ATP8A1: variants seen among roughly 807,000 people sequenced by gnomAD.
ATP8A1 encodes the protein ATPase phospholipid transporting 8A1, also known as phospholipid-transporting ATPase IA.
Under a neutral mutation model 177.7 loss-of-function variants are expected in ATP8A1, and 90 were observed. The observed-to-expected ratio is 0.51, with a 90% confidence interval of 0.43 to 0.60. The LOEUF (loss-of-function observed/expected upper bound fraction) is 0.60, where lower values mean the gene tolerates loss of function less well. ATP8A1 is among the 20% of genes least tolerant of loss of function. The pLI is 0.00. For synonymous variants in ATP8A1, 493 were observed against 485.9 expected (o/e 1.01, Z -0.19); for missense variants, 1,072 against 1,392.8 (o/e 0.77, Z 3.67).
chr4:42,554,238 C>T (rs1349613794), intron 16 of ATP8A1, among the ~76,000 whole-genome samples: 1 of 152,114 alleles, frequency 6.6e-6, no homozygotes, highest in Non-Finnish European at 1.5e-5. Context: ...TGCTGGCGGT[C>T]TGGACTGGGG....
chr4:42,471,776 T>C, intron 25 of ATP8A1: 1 of 429,698 alleles, frequency 2.3e-6, no homozygotes, highest in South Asian at 2.1e-5. Flanking sequence ...GGTAGCAAGC[T>C]CTTCCTAGGC....
At chr4:42,423,973 G>A (rs957875859) in intron 33 of ATP8A1, among the ~76,000 whole-genome samples, 2 of 152,080 alleles carry the variant, frequency 1.3e-5, no homozygotes, top group African/African-American at 4.8e-5. Flanking sequence ...TCTGGCAAAT[G>A]AAAATTACTT....
intron 15 of ATP8A1, among the ~76,000 whole-genome samples, chr4:42,561,019 GA>G (rs1730763514): frequency 6.6e-6 from 1 of 152,114 alleles, no homozygotes; most frequent in African/African-American, 2.4e-5. Flanking sequence ...GAGCTATTAA[GA>G]TCATTTTTCT....
chr4:42,572,831 TAG>T (rs1205374002), intron 14 of ATP8A1, among the ~76,000 whole-genome samples: 1 of 152,158 alleles, frequency 6.6e-6, no homozygotes, highest in Non-Finnish European at 1.5e-5. Context: ...TATCTGAAAA[TAG>T]ATTTTCTAGG....
At chr4:42,417,735 TGA>T (rs1220644699) in intron 35 of ATP8A1, among the ~76,000 whole-genome samples, 2 of 152,246 alleles carry the variant, frequency 1.3e-5, no homozygotes, top group Non-Finnish European at 2.9e-5. Flanking sequence ...CTATTTAGGT[TGA>T]CTCATTAAAA....
At chr4:42,481,539 C>A (rs780375688) in intron 25 of ATP8A1, among the ~76,000 whole-genome samples, 1 of 152,174 alleles carries the variant, frequency 6.6e-6, no homozygotes, top group Non-Finnish European at 1.5e-5. Flanking sequence ...TGCTTTTATA[C>A]CAATTATACA....
intron 20 of ATP8A1, among the ~76,000 whole-genome samples, chr4:42,542,261 T>C (rs1016139537): frequency 6.6e-6 from 1 of 152,158 alleles, no homozygotes; most frequent in Admixed American, 6.5e-5. Context: ...AATTCTATGA[T>C]TATTAAAAAT....
chr4:42,627,233 C>CT, intron 1 of ATP8A1, 124 bp from the exon 2 acceptor site: 1 of 644,178 alleles, frequency 1.6e-6, no homozygotes, highest in Non-Finnish European at 2.6e-6. Context: ...ACTGTTGTTT[C>CT]TTTTATAATA....
intron 25 of ATP8A1, among the ~76,000 whole-genome samples, chr4:42,467,168 C>G (rs1239712160): frequency 6.6e-6 from 1 of 152,098 alleles, no homozygotes; most frequent in Non-Finnish European, 1.5e-5. Context: ...TCATGGTGAT[C>G]ACAACCAACC....
In ATP8A1 at chr4:42,502,557, C is replaced by T. The variant is rs114821825; in HGVS notation, c.2151+893G>A. Among the ~76,000 whole-genome samples, 1,353 of 152,254 alleles carry T rather than the reference C, an allele frequency of 8.9e-3. 10 individuals carry two copies. Among genetic ancestry groups the T allele is most frequent in the African/African-American group, 0.012 (490 of 41,552 alleles). ...AGAAAGGATACCAGATCAAATGACG[C>T]GTGGCTTGCCCTGCTTTTGCTTCTG... is the stretch of plus-strand genomic sequence containing the variant. On this transcript the variant is annotated intron_variant, in intron 24 of 36. Transcript: ENST00000381668.
intron 4 of ATP8A1, 152 bp from the exon 5 acceptor site, chr4:42,616,230 G>A: frequency 1.5e-6 from 1 of 653,818 alleles, no homozygotes; most frequent in Non-Finnish European, 2.6e-6. Context: ...ATTGATGGAG[G>A]AGTGGTGATG....
At chr4:42,656,400 G>C (rs1741622617) in intron 1 of ATP8A1, among the ~76,000 whole-genome samples, 1 of 152,188 alleles carries the variant, frequency 6.6e-6, no homozygotes. Context: ...CGGATCAAAG[G>C]ATCCTGCAGC....
At chr4:42,487,454 T>C (rs1333024007) in intron 24 of ATP8A1, among the ~76,000 whole-genome samples, 1 of 152,148 alleles carries the variant, frequency 6.6e-6, no homozygotes, top group Non-Finnish European at 1.5e-5. Context: ...GGAAATATAA[T>C]GAGTAATTCC....
intron 5 of ATP8A1, among the ~76,000 whole-genome samples, chr4:42,614,884 T>C (rs1445353505): frequency 6.6e-6 from 1 of 152,176 alleles, no homozygotes; most frequent in Non-Finnish European, 1.5e-5. Flanking sequence ...TCATCCAATG[T>C]CCTCCTAAAA....
chr4:42,601,580 G>A (rs1404767190), intron 5 of ATP8A1, among the ~76,000 whole-genome samples: 2 of 150,640 alleles, frequency 1.3e-5, no homozygotes, highest in African/African-American at 4.9e-5. Context: ...CAGGATAAGA[G>A]AGTATGTGAG....
At chr4:42,506,792 T>C (rs780866247) in intron 23 of ATP8A1, among the ~76,000 whole-genome samples, 6 of 152,184 alleles carry the variant, frequency 3.9e-5, no homozygotes, top group Non-Finnish European at 8.8e-5. Context: ...CAAGTATCAA[T>C]ACATAAATCT....
At chr4:42,645,549 G>A (rs1428219824) in intron 1 of ATP8A1, among the ~76,000 whole-genome samples, 2 of 152,128 alleles carry the variant, frequency 1.3e-5, no homozygotes, top group Admixed American at 6.5e-5. Flanking sequence ...TGATTCCATC[G>A]TTCTGGGATG....
At chr4:42,527,312 T>C (rs530980390) in intron 20 of ATP8A1, among the ~76,000 whole-genome samples, 97 of 152,058 alleles carry the variant, frequency 6.4e-4, no homozygotes, top group African/African-American at 2.0e-3. Context: ...AGGGAGGACA[T>C]TGATTGGAAA....
At chr4:42,413,154 T>C in intron 36 of ATP8A1, 141 bp from the exon 37 acceptor site, 1 of 652,558 alleles carries the variant, frequency 1.5e-6, no homozygotes, top group Non-Finnish European at 2.7e-6. Context: ...TGATTTTTAA[T>C]GCCTAGAAAA....
Sources: allele counts gnomAD v4.1 joint callset (sites outside exome capture counted in the v4.1 genomes callset), GRCh38; gene constraint gnomAD v4.1.1; transcripts MANE v1.5; gene names NCBI Gene and HGNC (gene_info 2026-07-23, HGNC 2026-07-21).